The following MIPOL1 variants were observed in gnomAD, a reference collection of about 807,000 sequenced individuals.
MIPOL1 encodes mirror-image polydactyly gene 1 protein.
MIPOL1 carries 57 observed loss-of-function variants against 60.9 expected under a neutral mutation model. The observed-to-expected ratio is 0.94, with a 90% CI of 0.76 to 1.17. MIPOL1 has a LOEUF of 1.17. MIPOL1 is among the 50% of genes most tolerant of loss of function. The pLI, the probability that MIPOL1 is intolerant of heterozygous loss-of-function variation, is 0.00. For missense variants in MIPOL1, 551 were observed against 511.6 expected (o/e 1.08, Z -0.74); for synonymous variants, 179 against 168.8 (o/e 1.06, Z -0.47).
chr14:37,341,231 G>A (rs766839767), intron 9 of MIPOL1, among the ~76,000 whole-genome samples: 8 of 152,178 alleles, frequency 5.3e-5, no homozygotes, highest in Non-Finnish European at 1.5e-5. Flanking sequence ...TGGAAAAATG[G>A]CATCAATGGA....
chr14:37,517,092 A>G (rs1420253184), intron 12 of MIPOL1, among the ~76,000 whole-genome samples: 1 of 152,094 alleles, frequency 6.6e-6, no homozygotes, highest in Non-Finnish European at 1.5e-5. Flanking sequence ...AGGACCCTCA[A>G]CTGTCAGTAA....
intron 11 of MIPOL1, among the ~76,000 whole-genome samples, chr14:37,457,743 A>G (rs1191048365): frequency 6.6e-6 from 1 of 152,144 alleles, no homozygotes; most frequent in Non-Finnish European, 1.5e-5. Context: ...CCTTGTATGT[A>G]TTCCTATATG....
At position 37,550,231 on chromosome 14, in the gene MIPOL1, A is replaced by G. The variant is rs1182168934; in HGVS notation, c.*3260A>G. On this transcript the variant is annotated 3_prime_UTR_variant, in exon 13 of 13. Transcript: ENST00000684589. ...AATTTGTTTATTTTATTAAAAATCTAGAATATTAAAGATTTATACTTTTAA... is the reference window on the plus strand; with the variant it reads ...AATTTGTTTATTTTATTAAAAATCTGGAATATTAAAGATTTATACTTTTAA... The G allele has an allele frequency of 6.6e-6, 1 of 151,082 alleles. No homozygotes were observed. The highest frequency in any genetic ancestry group is 1.9e-4 in the East Asian group (1 of 5,186). 9.4% of individuals were successfully genotyped at this position (151,082 alleles called of 1,614,324 possible). A position where few individuals can be genotyped will look rare whatever the true frequency, so the allele number is the denominator to read the frequency against.
downstream of MIPOL1, chr14:37,552,009 T>C (rs548360227): frequency 3.3e-5 from 5 of 152,006 alleles, no homozygotes; most frequent in Non-Finnish European, 5.9e-5. Flanking sequence ...CTAAAAACAC[T>C]CTTTCTGTTG....
intron 9 of MIPOL1, among the ~76,000 whole-genome samples, chr14:37,360,673 T>C (rs1280158242): frequency 1.3e-5 from 2 of 151,394 alleles, no homozygotes; most frequent in Non-Finnish European, 2.9e-5. Flanking sequence ...ATCCCCTTTG[T>C]CATTTTTTAT....
chr14:37,288,203 T>C (rs1017675783), intron 7 of MIPOL1, among the ~76,000 whole-genome samples: 3 of 149,540 alleles, frequency 2.0e-5, no homozygotes, highest in Non-Finnish European at 4.5e-5. Context: ...GATGGGGCCT[T>C]GCTGTGTTGC....
At chr14:37,445,009 C>T (rs552001399) in intron 11 of MIPOL1, among the ~76,000 whole-genome samples, 3 of 152,246 alleles carry the variant, frequency 2.0e-5, no homozygotes, top group African/African-American at 7.2e-5. Context: ...CCTTTGAAAA[C>T]TGGCACAAGA....
At chr14:37,486,428 G>A (rs1594656780) in intron 11 of MIPOL1, among the ~76,000 whole-genome samples, 1 of 152,204 alleles carries the variant, frequency 6.6e-6, no homozygotes, top group South Asian at 2.1e-4. Flanking sequence ...GGGCAGTATG[G>A]CCATTTTCAA....
intron 1 of MIPOL1, among the ~76,000 whole-genome samples, chr14:37,232,247 A>C (rs1478980226): frequency 6.6e-6 from 1 of 152,194 alleles, no homozygotes; most frequent in East Asian, 1.9e-4. Flanking sequence ...TTATAAAAGA[A>C]GTTACTAATT....
intron 3 of MIPOL1, among the ~76,000 whole-genome samples, chr14:37,252,779 G>A (rs573731533): frequency 6.6e-5 from 10 of 152,018 alleles, no homozygotes; most frequent in African/African-American, 1.7e-4. Flanking sequence ...TGTAAGTGTA[G>A]ACACTGAAGA....
At chr14:37,438,203 C>A (rs2094192002) in intron 11 of MIPOL1, among the ~76,000 whole-genome samples, 1 of 152,092 alleles carries the variant, frequency 6.6e-6, no homozygotes, top group East Asian at 1.9e-4. Flanking sequence ...TCACTTGTCC[C>A]CTAACCTATG....
chr14:37,392,388 C>T (rs1747054737), intron 10 of MIPOL1, among the ~76,000 whole-genome samples: 1 of 152,156 alleles, frequency 6.6e-6, no homozygotes, highest in Admixed American at 6.5e-5. Flanking sequence ...TAGTATCCTA[C>T]AGCTTTGATG....
intron 12 of MIPOL1, among the ~76,000 whole-genome samples, chr14:37,532,969 A>G (rs566099807): frequency 6.6e-6 from 1 of 152,236 alleles, no homozygotes; most frequent in East Asian, 1.9e-4. Flanking sequence ...AAAAAAGTGT[A>G]TATGTTTGTA....
At chr14:37,534,479 T>C (rs2095496896) in intron 12 of MIPOL1, among the ~76,000 whole-genome samples, 1 of 152,202 alleles carries the variant, frequency 6.6e-6, no homozygotes, top group African/African-American at 2.4e-5. Flanking sequence ...GTACTTCTTA[T>C]TCCCAACATA....
intron 10 of MIPOL1, among the ~76,000 whole-genome samples, chr14:37,398,532 G>A (rs150843486): frequency 5.3e-5 from 8 of 152,156 alleles, no homozygotes; most frequent in East Asian, 3.9e-4. Context: ...CAACCTTTTC[G>A]TATCTTCTCT....
intron 1 of MIPOL1, among the ~76,000 whole-genome samples, chr14:37,200,782 G>T (rs1482339145): frequency 6.8e-6 from 1 of 146,894 alleles, no homozygotes; most frequent in Non-Finnish European, 1.5e-5. Flanking sequence ...CCAATTGGTT[G>T]GATGTGAAAT....
intron 11 of MIPOL1, among the ~76,000 whole-genome samples, chr14:37,449,158 C>T (rs186995938): frequency 1.7e-3 from 258 of 152,034 alleles, no homozygotes; most frequent in African/African-American, 5.9e-3. Context: ...AAATTTTTGC[C>T]GTGTCAAAGT....
intron 1 of MIPOL1, among the ~76,000 whole-genome samples, chr14:37,203,799 T>C (rs1474923682): frequency 6.6e-6 from 1 of 152,144 alleles, no homozygotes; most frequent in Non-Finnish European, 1.5e-5. Context: ...ATTTATTTAT[T>C]TGAGATGAAG....
intron 9 of MIPOL1, among the ~76,000 whole-genome samples, chr14:37,348,138 C>T (rs2091078773): frequency 6.6e-6 from 1 of 152,080 alleles, no homozygotes; most frequent in Admixed American, 6.6e-5. Context: ...AATGTTTAGC[C>T]CCCTACTGAT....
Sources: allele counts gnomAD v4.1 joint callset (sites outside exome capture counted in the v4.1 genomes callset), GRCh38; gene constraint gnomAD v4.1.1; transcripts MANE v1.5; gene names NCBI Gene and HGNC (gene_info 2026-07-23, HGNC 2026-07-21).